CTSB: variants seen among roughly 807,000 people sequenced by gnomAD.
CTSB encodes APP secretase.
Under a neutral mutation model 44.3 loss-of-function variants are expected in CTSB, and 57 were observed. The ratio of observed to expected loss-of-function variants is 1.29; its 90% CI spans 1.04 to 1.60. The LOEUF is 1.60. Among genes scored for constraint, CTSB ranks in the 40% most tolerant of loss-of-function variants. The pLI, the probability that CTSB is intolerant of heterozygous loss-of-function variation, is 0.00. For missense variants in CTSB, 768 were observed against 443.0 expected, an observed-to-expected ratio of 1.73 and a Z score of -6.59; for synonymous variants, 320 against 168.0, an observed-to-expected ratio of 1.91 and a Z score of -7.00.
At chr8:11,850,269 A>C (rs369297664) in intron 4 of CTSB, among the ~76,000 whole-genome samples, 1 of 151,950 alleles carries the variant, frequency 6.6e-6, no homozygotes, top group East Asian at 1.9e-4. Flanking sequence ...AAATACAAAA[A>C]TTAGCTGGGC....
chr8:11,845,790 C>T lies in CTSB; in HGVS notation c.794-1G>A. The T allele has an allele frequency of 8.1e-6, 13 of 1,611,558 alleles. No individual in the cohort carries two copies. The highest frequency in any genetic ancestry group is 1.1e-5 in the Non-Finnish European group (13 of 1,178,304). On this transcript the variant is annotated splice_acceptor_variant, in intron 8 of 9. Transcript: ENST00000353047. LOFTEE classifies it high-confidence loss of function. ...TCTCCGGTGACGTGTTGGTACACTC[C>T]TGAAAAGGGAAGAACTGGCTGAGAC...
rs1397588547 is a variant in CTSB, at chr8:11,845,669, C to G, written c.914G>C (p.Gly305Ala). ...LVANSWNTDWGDNGFFKILRG... is the reference protein window; with the variant it reads ...LVANSWNTDWADNGFFKILRG... The stretch of plus-strand genomic sequence containing the variant: ...AGGGGGCAGCCACTCACCATTGTCA[C>G]CCCAGTCAGTGTTCCAGGAGTTGGC... Residue 305 changes from glycine to alanine, a missense_variant, in exon 9 of 10, where the codon GGT becomes GCT. Physicochemically the swap from Gly to Ala is moderately conservative, Grantham distance 60 (BLOSUM62 0). Transcript: ENST00000353047. The G allele has an allele frequency of 6.2e-7, 1 of 1,613,082 alleles. No homozygotes were observed. The highest frequency in any genetic ancestry group is 8.5e-7 in the Non-Finnish European group (1 of 1,179,276).
At chr8:11,861,650 A>T (rs1011153438) in intron 1 of CTSB, among the ~76,000 whole-genome samples, 1 of 152,192 alleles carries the variant, frequency 6.6e-6, no homozygotes, top group Non-Finnish European at 1.5e-5. Flanking sequence ...GAAAGTTCTG[A>T]AAGCTTTTAC....
chr8:11,853,275 G>C, intron 2 of CTSB, 54 bp downstream of exon 2: 2 of 1,601,426 alleles, frequency 1.2e-6, no homozygotes, highest in South Asian at 2.2e-5. Context: ...TGGAGTCAGT[G>C]TGCACAGACC....
At chr8:11,853,625 TG>T (rs1815005037) in intron 1 of CTSB, 146 bp from the exon 2 acceptor site, 1 of 775,026 alleles carries the variant, frequency 1.3e-6, no homozygotes, top group African/African-American at 1.8e-5. Flanking sequence ...GAGGTGTCTA[TG>T]GGATCCCCGC....
chr8:11,851,656 C>T (rs1005595309), intron 3 of CTSB, among the ~76,000 whole-genome samples: 2 of 152,082 alleles, frequency 1.3e-5, no homozygotes, highest in African/African-American at 4.8e-5. Flanking sequence ...CTCATCATTT[C>T]TCATATCATC....
chr8:11,845,637 G>C (rs370569912), intron 9 of CTSB, 24 bp downstream of exon 9: 3 of 1,608,774 alleles, frequency 1.9e-6, no homozygotes, highest in East Asian at 4.5e-5. Flanking sequence ...CACTGTTCTT[G>C]GCAGGAAGGG....
At chr8:11,860,411 C>A (rs1293521865) in intron 1 of CTSB, among the ~76,000 whole-genome samples, 1 of 152,154 alleles carries the variant, frequency 6.6e-6, no homozygotes, top group African/African-American at 2.4e-5. Context: ...CACCTGAGGT[C>A]AGGAGTTCGA....
At chr8:11,851,790 C>T (rs1343999410) in intron 3 of CTSB, among the ~76,000 whole-genome samples, 2 of 152,096 alleles carry the variant, frequency 1.3e-5, no homozygotes, top group South Asian at 4.1e-4. Context: ...CCTCAGCCTC[C>T]CGAGTAGCTG....
Position 11,852,675 on chromosome 8 carries a change from G to C in CTSB, c.147C>G (p.Asn49Lys). The change falls in exon 3 of 10, where the codon AAC (asparagine) becomes AAG (lysine). Residue 49 changes from asparagine to lysine, a missense_variant. Coordinates refer to ENST00000353047, the MANE Select transcript of CTSB (RefSeq NM_001908.5). ...TTWQAGHNFYNVDMSYLKRLC... is the reference protein window; with the variant it reads ...TTWQAGHNFYKVDMSYLKRLC... Reference sequence around the variant, plus strand: ...GCCTCTTCAAGTAGCTCATGTCCACGTTGTAGAAGTTGTGCCCGGCCTGGA... The same window carrying C: ...GCCTCTTCAAGTAGCTCATGTCCACCTTGTAGAAGTTGTGCCCGGCCTGGA... The C allele has an allele frequency of 2.5e-6, 4 of 1,614,034 alleles. No individual in the cohort carries two copies. The highest frequency in any genetic ancestry group is 3.4e-6 in the Non-Finnish European group (4 of 1,180,024).
Position 11,850,983 on chromosome 8 carries a change from G to A in CTSB, c.213-3C>T, listed in dbSNP as rs1254851227. On this transcript the variant is annotated splice_polypyrimidine_tract_variant and splice_region_variant and intron_variant, in intron 3 of 9. Transcript: ENST00000353047. ...TCAGGTCCTCGGTAAACATAACTCTGGATAAAGGAAGGTCTTCATTACAAG... is the reference window on the plus strand; with the variant it reads ...TCAGGTCCTCGGTAAACATAACTCTAGATAAAGGAAGGTCTTCATTACAAG... 1.9e-6 allele frequency: 3 copies of A among 1,607,174 alleles called. No homozygotes were observed. The highest frequency in any genetic ancestry group is 2.6e-6 in the Non-Finnish European group (3 of 1,174,880).
chr8:11,859,132 G>GT (rs1815978479), intron 1 of CTSB, among the ~76,000 whole-genome samples: 2 of 151,860 alleles, frequency 1.3e-5, no homozygotes, highest in African/African-American at 2.4e-5. Flanking sequence ...TAATCTTTGG[G>GT]TTAAAAAAAA....
rs1025295084 is a variant in CTSB at position 11,844,255 on chromosome 8, G to A, written c.*870C>T. On this transcript the variant is annotated 3_prime_UTR_variant, in exon 10 of 10. Transcript: ENST00000353047. Reference sequence around the variant, plus strand: ...GGACGTGATTCTCTGCAGGGACAAAGAGAGACAGCAGCTACAAGTCTATAG... The same window carrying A: ...GGACGTGATTCTCTGCAGGGACAAAAAGAGACAGCAGCTACAAGTCTATAG... The A allele has an allele frequency of 6.6e-6, 1 of 152,154 alleles. No homozygotes were observed. Among genetic ancestry groups the A allele is most frequent in the Admixed American group, 6.5e-5 (1 of 15,276 alleles). The allele number at this position is 152,154 out of a possible 1,614,324, so 9.4% of individuals were successfully genotyped here. A position where few individuals can be genotyped will look rare whatever the true frequency, so the allele number is the denominator to read the frequency against.
Position 11,845,781 on chromosome 8 carries a change from G to A in CTSB, c.802C>T (p.Gln268Ter). 1 of 1,613,382 alleles carries A rather than the reference G, an allele frequency of 6.2e-7. No individual in the cohort carries two copies. Among genetic ancestry groups the A allele is most frequent in the Non-Finnish European group, 8.5e-7 (1 of 1,179,570 alleles). ...CCCATCATCTCTCCGGTGACGTGTT[G>A]GTACACTCCTGAAAAGGGAAGAACT... Reference protein sequence around the residue: ...DFLLYKSGVYQHVTGEMMGGH... With the variant: ...DFLLYKSGVY Residue 268 changes from glutamine (Q) to a stop codon, truncating the protein, a stop_gained, in exon 9 of 10, where the codon CAA becomes TAA. Coordinates refer to ENST00000353047, the MANE Select transcript of CTSB (RefSeq NM_001908.5). LOFTEE classifies it high-confidence loss of function.
At chr8:11,847,297 AG>A in intron 7 of CTSB, 129 bp from the exon 8 acceptor site, 2 of 686,872 alleles carry the variant, frequency 2.9e-6, no homozygotes, top group South Asian at 3.4e-5. Context: ...TTGCCCTGCC[AG>A]GGGAGCTCAA....
intron 1 of CTSB, 35 bp from the exon 2 acceptor site, chr8:11,853,514 G>A (rs1586147249): frequency 6.3e-7 from 1 of 1,575,040 alleles, no homozygotes. Flanking sequence ...ACACCTCTCT[G>A]TTATGTGGGT....
At chr8:11,864,332 A>AC (rs1326901569) in intron 1 of CTSB, 1 of 150,282 alleles carries the variant, frequency 6.7e-6, no homozygotes, top group Non-Finnish European at 1.5e-5. Flanking sequence ...AAAAAAAAAA[A>AC]AAAAAAAAAA....
rs145256597 is a variant in CTSB at position 11,849,048 on chromosome 8, G to A, written c.444C>T (p.Asp148=). Residue 148 remains aspartate, a splice_region_variant and synonymous_variant, in exon 5 of 10, where the codon GAC becomes GAT. Transcript: ENST00000353047. The part of the protein sequence containing the change: ...LLTCCGSMCG[D]GCNGGYPAEA... ...TGTGGAAGCACAGCCTGACTCACCC[G>A]TCCCCACACATGCTGCCACAGCATG... 1.3e-4 allele frequency: 216 copies of A among 1,610,390 alleles called. No individual in the cohort carries two copies. Among genetic ancestry groups the A allele is most frequent in the Non-Finnish European group, 1.8e-4 (207 of 1,177,452 alleles).
At chr8:11,866,625 C>A (rs1422350801) in intron 1 of CTSB, among the ~76,000 whole-genome samples, 3 of 152,160 alleles carry the variant, frequency 2.0e-5, no homozygotes, top group Non-Finnish European at 4.4e-5. Flanking sequence ...ACCGGGAGGC[C>A]GAGACAGGCG....
Sources: allele counts gnomAD v4.1 joint callset (sites outside exome capture counted in the v4.1 genomes callset), GRCh38; gene constraint gnomAD v4.1.1; transcripts MANE v1.5; gene names NCBI Gene and HGNC (gene_info 2026-07-23, HGNC 2026-07-21).